The following PBX3 variants were observed in gnomAD, a reference collection of about 807,000 sequenced individuals.
PBX3 encodes PBX homeobox 3, also known as pre-B-cell leukemia transcription factor 3.
In PBX3, 14 loss-of-function variants were observed where a neutral mutation model predicts 48.5. The observed-to-expected ratio is 0.29, with a 90% confidence interval of 0.19 to 0.45. The LOEUF (loss-of-function observed/expected upper bound fraction) is 0.45, where lower values mean the gene tolerates loss of function less well. PBX3 is among the 20% of genes least tolerant of loss of function. PBX3 has a pLI of 1.00. For missense variants in PBX3, 386 were observed against 546.7 expected, an observed-to-expected ratio of 0.71 and a Z score of 2.93; for synonymous variants, 210 against 200.3, an observed-to-expected ratio of 1.05 and a Z score of -0.41.
intron 2 of PBX3, among the ~76,000 whole-genome samples, chr9:125,814,120 G>A (rs558973558): frequency 2.1e-5 from 2 of 95,314 alleles, no homozygotes; most frequent in African/African-American, 4.2e-5. Context: ...TAGAGATCAC[G>A]CTATTGCACT....
intron 2 of PBX3, among the ~76,000 whole-genome samples, chr9:125,811,076 C>G (rs1181626528): frequency 6.6e-6 from 1 of 152,242 alleles, no homozygotes; most frequent in East Asian, 1.9e-4. Context: ...GTTCCTTAGC[C>G]TCTTTCTTTA....
At chr9:125,895,439 C>G (rs1180009519) in intron 2 of PBX3, among the ~76,000 whole-genome samples, 1 of 151,870 alleles carries the variant, frequency 6.6e-6, no homozygotes, top group Non-Finnish European at 1.5e-5. Context: ...CCAAATAACC[C>G]AAAGGAAGTG....
chr9:125,961,330 G>A (rs559420005), intron 6 of PBX3, among the ~76,000 whole-genome samples: 4 of 152,174 alleles, frequency 2.6e-5, no homozygotes, highest in Non-Finnish European at 5.9e-5. Context: ...CGGGGCTGAC[G>A]GCATGCTCAG....
At chr9:125,748,390 CG>C in intron 1 of PBX3, 159 bp from the exon 2 acceptor site, 1 of 1,377,066 alleles carries the variant, frequency 7.3e-7, no homozygotes, top group Admixed American at 2.6e-5. Flanking sequence ...TGCTGGCTGT[CG>C]GGAACTAGTC....
At chr9:125,928,131 C>T (rs914818307) in intron 3 of PBX3, among the ~76,000 whole-genome samples, 5 of 151,194 alleles carry the variant, frequency 3.3e-5, no homozygotes, top group Admixed American at 6.6e-5. Flanking sequence ...TGCAGTGAGC[C>T]GAGATCACAC....
intron 2 of PBX3, among the ~76,000 whole-genome samples, chr9:125,800,120 G>A (rs1292302538): frequency 2.0e-5 from 3 of 152,192 alleles, no homozygotes; most frequent in Non-Finnish European, 2.9e-5. Context: ...ACAATTTGAT[G>A]TTTGGTTTTT....
intron 2 of PBX3, among the ~76,000 whole-genome samples, chr9:125,858,453 G>A (rs1839778503): frequency 6.6e-6 from 1 of 152,096 alleles, no homozygotes; most frequent in African/African-American, 2.4e-5. Context: ...GTAACAAGGG[G>A]ATTTTCAGGA....
intron 4 of PBX3, among the ~76,000 whole-genome samples, chr9:125,930,801 C>T (rs1367508231): frequency 6.6e-6 from 1 of 152,182 alleles, no homozygotes; most frequent in Non-Finnish European, 1.5e-5. Flanking sequence ...CCAGCCCATC[C>T]TCCATATCCC....
At chr9:125,747,771 C>T in intron 1 of PBX3, 118 bp downstream of exon 1, 1 of 762,818 alleles carries the variant, frequency 1.3e-6, no homozygotes, top group South Asian at 2.9e-5. Flanking sequence ...GGAACTTTCT[C>T]CGAAAGCCGG....
chr9:125,889,896 C>G (rs1207506473), intron 2 of PBX3, among the ~76,000 whole-genome samples: 3 of 148,992 alleles, frequency 2.0e-5, no homozygotes, highest in Admixed American at 2.0e-4. Flanking sequence ...CTGCCCGGCG[C>G]GCCCCGAAAG....
chr9:125,917,332 C>G (rs1264105105), intron 3 of PBX3, among the ~76,000 whole-genome samples: 4 of 152,174 alleles, frequency 2.6e-5, no homozygotes, highest in Non-Finnish European at 5.9e-5. Flanking sequence ...CAGCATCCCC[C>G]ACCAGAGGGG....
intron 2 of PBX3, among the ~76,000 whole-genome samples, chr9:125,782,028 A>T (rs1240461459): frequency 6.6e-6 from 1 of 152,006 alleles, no homozygotes; most frequent in East Asian, 1.9e-4. Flanking sequence ...CTTGGTGATT[A>T]TTATGGGGAT....
intron 1 of PBX3, chr9:125,748,168 A>T (rs1272705319): frequency 4.5e-6 from 4 of 885,626 alleles, no homozygotes; most frequent in Non-Finnish European, 4.1e-6. Flanking sequence ...CCGAGCTGTC[A>T]CCCTCCCGCT....
Position 125,873,062 on chromosome 9 carries a change from G to A in PBX3, c.275-42624G>A, listed in dbSNP as rs185441361. Among the ~76,000 whole-genome samples the A allele has an allele frequency of 3.3e-5, 5 of 151,920 alleles. No individual in the cohort carries two copies. In the East Asian group the frequency reaches 7.8e-4, roughly 24 times the overall value. On this transcript the variant is annotated intron_variant, in intron 2 of 8. Transcript: ENST00000373489. ...AAAAAAATACAAAAATTAGCCAGGCGTGGTGGCAGGCACCTGTAATCCCAG... is the reference window on the plus strand; with the variant it reads ...AAAAAAATACAAAAATTAGCCAGGCATGGTGGCAGGCACCTGTAATCCCAG...
chr9:125,817,899 A>G (rs1274824069), intron 2 of PBX3, among the ~76,000 whole-genome samples: 1 of 152,216 alleles, frequency 6.6e-6, no homozygotes, highest in Non-Finnish European at 1.5e-5. Flanking sequence ...TTCACAAAGT[A>G]TATTATAAAT....
chr9:125,890,862 T>G (rs1840624915), intron 2 of PBX3, among the ~76,000 whole-genome samples: 1 of 152,180 alleles, frequency 6.6e-6, no homozygotes, highest in African/African-American at 2.4e-5. Flanking sequence ...AACAGTTCCA[T>G]GGTAATATTT....
Position 125,758,799 on chromosome 9 carries a change from C to T in PBX3, c.274+10176C>T, listed in dbSNP as rs144521125. Among the ~76,000 whole-genome samples the T allele has an allele frequency of 2.7e-3, 405 of 152,050 alleles. 1 individual carries two copies. The highest frequency in any genetic ancestry group is 5.3e-3 in the Non-Finnish European group (358 of 68,002). ...CAATGTCTGTGTGCAGCAATGTCTG[C>T]GTGCTGGGTGCTTTACATGCATTTC... On this transcript the variant is annotated intron_variant, in intron 2 of 8. Transcript: ENST00000373489.
At chr9:125,804,914 T>TGAGGTCATG (rs746918368) in intron 2 of PBX3, among the ~76,000 whole-genome samples, 2 of 146,066 alleles carry the variant, frequency 1.4e-5, no homozygotes. Flanking sequence ...GCCACTGCAC[T>TGAGGTCATG]CCAGCCTGGG....
intron 5 of PBX3, among the ~76,000 whole-genome samples, chr9:125,949,599 T>C (rs1175914447): frequency 6.6e-6 from 1 of 152,224 alleles, no homozygotes; most frequent in African/African-American, 2.4e-5. Context: ...TAATTATATA[T>C]GTTGAAAGCT....
Sources: allele counts gnomAD v4.1 joint callset (sites outside exome capture counted in the v4.1 genomes callset), GRCh38; gene constraint gnomAD v4.1.1; transcripts MANE v1.5; gene names NCBI Gene and HGNC (gene_info 2026-07-23, HGNC 2026-07-21).